Variants in STARD7 observed in about 807,000 individuals in gnomAD.
STARD7 encodes the protein stAR-related lipid transfer protein 7, mitochondrial.
A neutral mutation model predicts 45.3 loss-of-function variants in STARD7; 30 were observed. The observed-to-expected ratio is 0.66, with a 90% CI of 0.50 to 0.90. The LOEUF (loss-of-function observed/expected upper bound fraction) is 0.90. Ranked by LOEUF, STARD7 falls within the 40% of genes least tolerant of loss-of-function variation. The pLI is 0.00. For missense variants in STARD7, 495 were observed against 491.3 expected, an observed-to-expected ratio of 1.01 and a Z score of -0.07; for synonymous variants, 199 against 183.0, an observed-to-expected ratio of 1.09 and a Z score of -0.70.
At chr2:96,197,171 G>A (rs113799020) in intron 1 of STARD7, among the ~76,000 whole-genome samples, 9,161 of 151,476 alleles carry the variant, frequency 0.06, 773 homozygotes, top group African/African-American at 0.19. Flanking sequence ...TTGGGAGGCC[G>A]AGGTGGGCGG....
In STARD7 at chr2:96,208,238, T is replaced by C. The variant is rs1232329201; in HGVS notation, c.197A>G (p.His66Arg). The C allele has an allele frequency of 6.2e-7, 1 of 1,612,284 alleles. No individual in the cohort carries two copies. The highest frequency in any genetic ancestry group is 1.7e-5 in the Admixed American group (1 of 59,968). Residue 66 changes from histidine (H) to arginine (R), a missense_variant, in exon 1 of 8, where the codon CAC becomes CGC. Physicochemically the swap from His to Arg is conservative, Grantham distance 29. Around this residue, in one of 2 missense-constraint regions of STARD7, gnomAD observed 282 missense variants for 220.1 expected, o/e 1.28. Transcript: ENST00000337288. ...VLLGRLWRRL[H>R]GRPGHASALM... is the part of the protein sequence containing the mutation. Reference sequence around the variant, plus strand: ...GGCAGAGGCATGGCCAGGACGGCCGTGCAGCCGGCGCCAGAGGCGGCCGAG... The same window carrying C: ...GGCAGAGGCATGGCCAGGACGGCCGCGCAGCCGGCGCCAGAGGCGGCCGAG...
At chr2:96,197,237 T>C (rs1285912025) in intron 1 of STARD7, among the ~76,000 whole-genome samples, 2 of 151,300 alleles carry the variant, frequency 1.3e-5, no homozygotes, top group Admixed American at 6.6e-5. Flanking sequence ...AAACTCCATC[T>C]CTACTAAAAA....
chr2:96,191,756 T>C (rs996125867), intron 6 of STARD7, among the ~76,000 whole-genome samples: 1 of 151,906 alleles, frequency 6.6e-6, no homozygotes, highest in Admixed American at 6.6e-5. Flanking sequence ...ACACTGTCCA[T>C]ATAGCCCTAA....
At position 96,200,413 on chromosome 2, in the gene STARD7, TACTATGTATC is replaced by T. The variant is rs1683287650; in HGVS notation, c.291-4874_291-4865del. On this transcript the variant is annotated intron_variant, in intron 1 of 7. Transcript: ENST00000337288. ...ACATGAAAAACACCACCATATATTG[TACTATGTATC>T]ACTATGTATCATTCAGGGGTATATA... 2.6e-5 allele frequency among the ~76,000 whole-genome samples: 4 copies of T among 152,194 alleles called. No individual in the cohort carries two copies. The South Asian group carries it at 6.2e-4, about 24-fold the overall frequency.
chr2:96,208,470 GC>G lies in STARD7; in HGVS notation c.-37del. ...GCAGGGCCCGCCGCGAGCTTCCGGG[GC>G]CCAAGGAACCAGTCCGGAGGGGCGC... On this transcript the variant is annotated 5_prime_UTR_variant, in exon 1 of 8. Coordinates refer to ENST00000337288, the MANE Select transcript of STARD7 (RefSeq NM_020151.4). 2.9e-6 allele frequency: 4 copies of G among 1,358,846 alleles called. No homozygotes were observed. The highest frequency in any genetic ancestry group is 3.8e-6 in the Non-Finnish European group (4 of 1,065,388). 84.2% of individuals were successfully genotyped at this position (1,358,846 alleles called of 1,614,324 possible). A position where few individuals can be genotyped will look rare whatever the true frequency, so the allele number is the denominator to read the frequency against.
Position 96,195,432 on chromosome 2 carries a change from G to T in STARD7, c.408C>A (p.Gly136=). 6.2e-7 allele frequency: 1 copy of T among 1,612,868 alleles called. No homozygotes were observed. Among genetic ancestry groups the T allele is most frequent in the Non-Finnish European group, 8.5e-7 (1 of 1,179,466 alleles). The change falls in exon 2 of 8, where the codon GGC becomes GGA. Residue 136 remains glycine (G), a synonymous_variant. Coordinates refer to ENST00000337288, the MANE Select transcript of STARD7 (RefSeq NM_020151.4). The part of the protein sequence containing the change: ...AQTEGNEDSE[G]KEQRWEMVMD... Reference sequence around the variant, plus strand: ...TCACCATTTCCCAACGTTGCTCTTTGCCCTCTGAATCTTCATTCCCTTCTG... The same window carrying T: ...TCACCATTTCCCAACGTTGCTCTTTTCCCTCTGAATCTTCATTCCCTTCTG...
chr2:96,191,499 C>A (rs1487928212), intron 6 of STARD7, among the ~76,000 whole-genome samples: 2 of 152,184 alleles, frequency 1.3e-5, no homozygotes, highest in Non-Finnish European at 2.9e-5. Flanking sequence ...TGTACACAGT[C>A]AATGCAATTT....
chr2:96,208,647 A>G lies in STARD7; in HGVS notation c.-213T>C. ...GTCGGTCATGGCAGCAGACGCCGGG[A>G]TGGCTCCGCGACTGCTACACCAGGC... is the stretch of plus-strand genomic sequence containing the variant. On this transcript the variant is annotated 5_prime_UTR_variant, in exon 1 of 8. Coordinates refer to ENST00000337288, the MANE Select transcript of STARD7 (RefSeq NM_020151.4). 2.1e-6 allele frequency: 1 copy of G among 468,904 alleles called. No individual in the cohort carries two copies. Among genetic ancestry groups the G allele is most frequent in the East Asian group, 3.5e-5 (1 of 28,238 alleles). 29.0% of individuals were successfully genotyped at this position (468,904 alleles called of 1,614,324 possible).
Position 96,208,713 on chromosome 2 carries a change from C to T in STARD7, c.-279G>A. ...CAGCAGACCAGTCAGCCCTGTGGCT[C>T]CTCGGCGACCTCCAGCGGGCGCCCG... On this transcript the variant is annotated 5_prime_UTR_variant, in exon 1 of 8. Coordinates refer to ENST00000337288, the MANE Select transcript of STARD7 (RefSeq NM_020151.4). 7.3e-6 allele frequency: 3 copies of T among 411,298 alleles called. No individual in the cohort carries two copies. The highest frequency in any genetic ancestry group is 1.3e-5 in the Non-Finnish European group (3 of 232,714). 25.5% of individuals were successfully genotyped at this position (411,298 alleles called of 1,614,324 possible). A position where few individuals can be genotyped will look rare whatever the true frequency, so the allele number is the denominator to read the frequency against.
intron 1 of STARD7, among the ~76,000 whole-genome samples, chr2:96,196,441 T>C (rs1037354855): frequency 1.4e-4 from 21 of 152,122 alleles, no homozygotes; most frequent in African/African-American, 4.6e-4. Context: ...GTCTGGGCAA[T>C]ACAGTAAGAC....
intron 1 of STARD7, among the ~76,000 whole-genome samples, chr2:96,207,762 C>A (rs1258575756): frequency 2.0e-5 from 3 of 152,204 alleles, no homozygotes; most frequent in Non-Finnish European, 4.4e-5. Flanking sequence ...CAGCCCACCA[C>A]CCTTAGGCCA....
chr2:96,206,424 T>G (rs953301371), intron 1 of STARD7, among the ~76,000 whole-genome samples: 1 of 152,142 alleles, frequency 6.6e-6, no homozygotes. Flanking sequence ...AACTGGAGAT[T>G]TTCCTCTCAA....
chr2:96,190,180 TACA>T (rs1199098634), intron 6 of STARD7, among the ~76,000 whole-genome samples: 1 of 152,112 alleles, frequency 6.6e-6, no homozygotes, highest in Non-Finnish European at 1.5e-5. Context: ...AAGATGAACC[TACA>T]ACATCTTGTA....
At chr2:96,201,307 G>C (rs1369767588) in intron 1 of STARD7, among the ~76,000 whole-genome samples, 1 of 151,238 alleles carries the variant, frequency 6.6e-6, no homozygotes, top group African/African-American at 2.4e-5. Context: ...TGGGGCAGTG[G>C]TTCACGCCTA....
intron 7 of STARD7, 113 bp downstream of exon 7, chr2:96,187,104 G>GAAAA: frequency 5.3e-6 from 4 of 749,848 alleles, no homozygotes; most frequent in Admixed American, 3.5e-5. Context: ...CTCTGTCTCA[G>GAAAA]AAAAAAAAAA....
At chr2:96,203,297 G>A (rs1314815175) in intron 1 of STARD7, among the ~76,000 whole-genome samples, 1 of 152,084 alleles carries the variant, frequency 6.6e-6, no homozygotes, top group African/African-American at 2.4e-5. Flanking sequence ...GAGGACAGAA[G>A]GACAAAAGAG....
chr2:96,198,244 A>T (rs1409310897), intron 1 of STARD7, among the ~76,000 whole-genome samples: 1 of 151,268 alleles, frequency 6.6e-6, no homozygotes, highest in Non-Finnish European at 1.5e-5. Flanking sequence ...AATTGCTTGA[A>T]CCCAGGAGGT....
At chr2:96,196,713 G>A (rs1051858216) in intron 1 of STARD7, among the ~76,000 whole-genome samples, 1 of 151,898 alleles carries the variant, frequency 6.6e-6, no homozygotes, top group Non-Finnish European at 1.5e-5. Flanking sequence ...TGCCCGCCTC[G>A]GCCTCCCAAA....
intron 1 of STARD7, among the ~76,000 whole-genome samples, chr2:96,205,425 T>C (rs997158545): frequency 6.6e-6 from 1 of 152,218 alleles, no homozygotes; most frequent in Non-Finnish European, 1.5e-5. Flanking sequence ...AAAACAGCTA[T>C]GTTAGAATTA....
Sources: allele counts gnomAD v4.1 joint callset (sites outside exome capture counted in the v4.1 genomes callset), GRCh38; gene constraint gnomAD v4.1.1; regional missense constraint gnomAD v4.1.1; transcripts MANE v1.5; gene names NCBI Gene and HGNC (gene_info 2026-07-23, HGNC 2026-07-21).